The following SEMA6A variants were observed in gnomAD, a reference collection of about 807,000 sequenced individuals.
SEMA6A encodes the protein semaphorin-6A.
A neutral mutation model predicts 96.8 loss-of-function variants in SEMA6A; 25 were observed. The ratio of observed to expected loss-of-function variants is 0.26; its 90% CI spans 0.19 to 0.36. SEMA6A has a LOEUF of 0.36. SEMA6A is among the 10% of genes least tolerant of loss of function. The pLI is 1.00. For synonymous variants in SEMA6A, 612 were observed against 518.0 expected (o/e 1.18, Z -2.46); for missense variants, 1,363 against 1,323.1 (o/e 1.03, Z -0.47).
intron 8 of SEMA6A, 111 bp downstream of exon 8, chr5:116,488,777 A>C (rs1489682556): frequency 2.3e-6 from 3 of 1,278,984 alleles, no homozygotes; most frequent in South Asian, 4.0e-5. Flanking sequence ...TCTGTCTGTC[A>C]GAAGCCATTA....
At position 116,445,901 on chromosome 5, in the gene SEMA6A, T is replaced by A. The variant is rs1450749207; in HGVS notation, c.*712A>T. ...GTCCTTTCCTTAAGGAAAAAAAGGG[T>A]GAACAATAAATAAAGAGTTACTTGC... On this transcript the variant is annotated 3_prime_UTR_variant, in exon 19 of 19. Transcript: ENST00000343348. 1 of 152,610 alleles carries A rather than the reference T, an allele frequency of 6.6e-6. No individual in the cohort carries two copies. Among genetic ancestry groups the A allele is most frequent in the Non-Finnish European group, 1.5e-5 (1 of 68,014 alleles). 9.5% of individuals were successfully genotyped at this position (152,610 alleles called of 1,614,324 possible).
In SEMA6A at chr5:116,443,688, A is replaced by T. The variant is rs1754028589; in HGVS notation, c.*2925T>A. On this transcript the variant is annotated 3_prime_UTR_variant, in exon 19 of 19. Coordinates refer to ENST00000343348, the MANE Select transcript of SEMA6A (RefSeq NM_020796.5). ...TAAGTCGTGAATCAGATGTTAGGGG[A>T]TGTGGAGATGGAAGGAAAATTGGTG... 1 of 150,660 alleles carries T rather than the reference A, an allele frequency of 6.6e-6. No individual in the cohort carries two copies. Among genetic ancestry groups the T allele is most frequent in the Non-Finnish European group, 1.5e-5 (1 of 67,690 alleles). 9.3% of individuals were successfully genotyped at this position (150,660 alleles called of 1,614,324 possible).
At chr5:116,473,283 C>T (rs2112669964) in intron 16 of SEMA6A, among the ~76,000 whole-genome samples, 190 bp from the exon 17 acceptor site, 1 of 152,350 alleles carries the variant, frequency 6.6e-6, no homozygotes, top group Middle Eastern at 3.4e-3. Flanking sequence ...CTCCATATCT[C>T]TTCCACCAAG....
intron 18 of SEMA6A, among the ~76,000 whole-genome samples, chr5:116,465,365 A>C (rs1755664273): frequency 6.6e-6 from 1 of 152,236 alleles, no homozygotes; most frequent in Non-Finnish European, 1.5e-5. Context: ...GCAAAATGGA[A>C]ATTAAAATCA....
At chr5:116,535,413 A>C (rs1306595294) in intron 1 of SEMA6A, among the ~76,000 whole-genome samples, 1 of 152,224 alleles carries the variant, frequency 6.6e-6, no homozygotes, top group Non-Finnish European at 1.5e-5. Context: ...GTGATGAGCA[A>C]AATGCATGGT....
At position 116,486,977 on chromosome 5, in the gene SEMA6A, A is replaced by T. The variant is rs759311597; in HGVS notation, c.745-11T>A. ...TCTTGGGAAAACTACCTGCAGAGGA[A>T]AAACACATAGGGAAAATTAAATGCA... On this transcript the variant is annotated splice_polypyrimidine_tract_variant and intron_variant, in intron 9 of 18. Coordinates refer to ENST00000343348, the MANE Select transcript of SEMA6A (RefSeq NM_020796.5). 6.3e-7 allele frequency: 1 copy of T among 1,596,242 alleles called. No homozygotes were observed. Among genetic ancestry groups the T allele is most frequent in the Non-Finnish European group, 8.6e-7 (1 of 1,164,162 alleles).
intron 3 of SEMA6A, among the ~76,000 whole-genome samples, chr5:116,501,856 C>T (rs1334198221): frequency 6.6e-6 from 1 of 152,184 alleles, no homozygotes; most frequent in Non-Finnish European, 1.5e-5. Context: ...CACTGCACTC[C>T]AGCCTGGGCA....
At chr5:116,570,221 G>GAGAA (rs1761154531) in intron 1 of SEMA6A, among the ~76,000 whole-genome samples, 1 of 152,212 alleles carries the variant, frequency 6.6e-6, no homozygotes, top group South Asian at 2.1e-4. Context: ...AGGCAACCAT[G>GAGAA]TGGTCGCCAG....
At chr5:116,563,459 A>G (rs1408163571) in intron 1 of SEMA6A, among the ~76,000 whole-genome samples, 5 of 152,242 alleles carry the variant, frequency 3.3e-5, no homozygotes, top group Non-Finnish European at 7.3e-5. Flanking sequence ...GCATGGCAAG[A>G]CAAAGGAAGC....
At chr5:116,451,743 G>A in intron 18 of SEMA6A, among the ~76,000 whole-genome samples, 1 of 123,714 alleles carries the variant, frequency 8.1e-6, no homozygotes, top group East Asian at 2.1e-4. Context: ...TGCTTTTGAA[G>A]TCATGGAAAT....
chr5:116,494,231 T>A (rs956745231), intron 6 of SEMA6A, among the ~76,000 whole-genome samples: 1 of 152,268 alleles, frequency 6.6e-6, no homozygotes, highest in African/African-American at 2.4e-5. Context: ...TCAAGCTCAA[T>A]AGGCCATTTC....
At chr5:116,516,129 AC>A (rs951515302) in intron 1 of SEMA6A, among the ~76,000 whole-genome samples, 1 of 152,152 alleles carries the variant, frequency 6.6e-6, no homozygotes, top group Non-Finnish European at 1.5e-5. Flanking sequence ...CTTTCCCAGA[AC>A]CCTGAAAGCC....
intron 3 of SEMA6A, 26 bp downstream of exon 3, chr5:116,502,184 G>C: frequency 6.3e-7 from 1 of 1,585,922 alleles, no homozygotes; most frequent in Non-Finnish European, 8.7e-7. Flanking sequence ...CACTCTCAAG[G>C]CAGACATGGG....
chr5:116,527,010 G>A (rs1412130306), intron 1 of SEMA6A, among the ~76,000 whole-genome samples: 4 of 152,038 alleles, frequency 2.6e-5, no homozygotes, highest in Non-Finnish European at 5.9e-5. Context: ...CCCAAGTTCT[G>A]TATTTTTAAA....
chr5:116,520,917 C>T (rs1010527631), intron 1 of SEMA6A, among the ~76,000 whole-genome samples: 2 of 152,166 alleles, frequency 1.3e-5, no homozygotes, highest in Non-Finnish European at 2.9e-5. Context: ...AAGGATCCTG[C>T]TGTGGACTCA....
chr5:116,486,634 C>T, intron 10 of SEMA6A, 115 bp downstream of exon 10: 1 of 810,952 alleles, frequency 1.2e-6, no homozygotes, highest in Non-Finnish European at 2.0e-6. Flanking sequence ...TTCTTAGCTA[C>T]ACACAATGAA....
intron 1 of SEMA6A, among the ~76,000 whole-genome samples, chr5:116,569,040 T>G (rs1479275901): frequency 6.6e-6 from 1 of 152,250 alleles, no homozygotes; most frequent in African/African-American, 2.4e-5. Context: ...CAGCTTTAGG[T>G]GCCAGAGTGA....
intron 3 of SEMA6A, among the ~76,000 whole-genome samples, chr5:116,499,436 G>T (rs1051548441): frequency 6.0e-5 from 9 of 150,038 alleles, no homozygotes; most frequent in African/African-American, 2.2e-4. Context: ...GGGGTGGGGT[G>T]CGGGGAGGGA....
At chr5:116,506,787 T>C (rs904972334) in intron 1 of SEMA6A, among the ~76,000 whole-genome samples, 2 of 152,132 alleles carry the variant, frequency 1.3e-5, no homozygotes, top group Non-Finnish European at 2.9e-5. Context: ...CAGCATATAA[T>C]GAAAGAAAGG....
Sources: allele counts gnomAD v4.1 joint callset (sites outside exome capture counted in the v4.1 genomes callset), GRCh38; gene constraint gnomAD v4.1.1; transcripts MANE v1.5; gene names NCBI Gene and HGNC (gene_info 2026-07-23, HGNC 2026-07-21).